The following ARSK variants were observed in gnomAD, a reference collection of about 807,000 sequenced individuals.
The protein encoded by ARSK is arylsulfatase K.
A neutral mutation model predicts 53.2 loss-of-function variants in ARSK; 37 were observed. The ratio of observed to expected loss-of-function variants is 0.70; its 90% CI spans 0.54 to 0.92. The LOEUF (loss-of-function observed/expected upper bound fraction) is 0.92. ARSK is among the 40% of genes least tolerant of loss of function. The pLI is 0.00. For synonymous variants in ARSK, 208 were observed against 223.2 expected (o/e 0.93, Z 0.61); for missense variants, 613 against 643.0 (o/e 0.95, Z 0.51).
In ARSK at chr5:95,557,646, A is replaced by G. The variant is rs145370960; in HGVS notation, c.126+2242A>G. ...TAAAATAATTCCTCTCTCTATGATT[A>G]TACCAGTTTGGTATGCTGTTAGATT... is the stretch of plus-strand genomic sequence containing the variant. On this transcript the variant is annotated intron_variant, in intron 1 of 7. Transcript: ENST00000380009. 4.1e-4 allele frequency among the ~76,000 whole-genome samples: 63 copies of G among 152,364 alleles called. 1 individual carries two copies. The East Asian group carries it at 0.011, about 28-fold the overall frequency.
chr5:95,603,171 A>G (rs1481588159), intron 7 of ARSK, 66 bp from the exon 8 acceptor site: 4 of 1,286,850 alleles, frequency 3.1e-6, no homozygotes, highest in East Asian at 2.4e-5. Context: ...TACCTGTCAT[A>G]ATGACATTCT....
intron 3 of ARSK, among the ~76,000 whole-genome samples, chr5:95,568,470 G>A (rs2112418318): frequency 6.6e-6 from 1 of 152,110 alleles, no homozygotes. Context: ...CAAAAACCAG[G>A]CAGCCAAGCA....
At chr5:95,556,010 G>T (rs1748495419) in intron 1 of ARSK, among the ~76,000 whole-genome samples, 1 of 152,140 alleles carries the variant, frequency 6.6e-6, no homozygotes, top group African/African-American at 2.4e-5. Flanking sequence ...CCAAGCCAAA[G>T]GTGCTACTGT....
At chr5:95,580,147 G>A (rs761840709) in intron 3 of ARSK, among the ~76,000 whole-genome samples, 5 of 152,112 alleles carry the variant, frequency 3.3e-5, no homozygotes, top group Non-Finnish European at 7.4e-5. Flanking sequence ...CTGAGCCACA[G>A]GTAGTTTTGG....
At chr5:95,570,536 T>C (rs1748809177) in intron 3 of ARSK, among the ~76,000 whole-genome samples, 1 of 152,212 alleles carries the variant, frequency 6.6e-6, no homozygotes. Flanking sequence ...CAGTGTTCTG[T>C]AAGAATTCTT....
chr5:95,581,933 T>C (rs1408602607), intron 3 of ARSK, among the ~76,000 whole-genome samples: 1 of 152,170 alleles, frequency 6.6e-6, no homozygotes, highest in Non-Finnish European at 1.5e-5. Flanking sequence ...ATTTTTATTA[T>C]AGCTATTTAA....
At chr5:95,594,350 G>A (rs1293739528) in intron 6 of ARSK, among the ~76,000 whole-genome samples, 1 of 152,020 alleles carries the variant, frequency 6.6e-6, no homozygotes, top group Non-Finnish European at 1.5e-5. Flanking sequence ...TTATAAATCT[G>A]TAAGAAAAAG....
intron 3 of ARSK, among the ~76,000 whole-genome samples, chr5:95,575,570 C>T (rs1192953563): frequency 1.3e-5 from 2 of 152,126 alleles, no homozygotes; most frequent in Non-Finnish European, 2.9e-5. Flanking sequence ...TTATAATGCT[C>T]ATTGTAGAGA....
rs564208824 is a variant in ARSK at position 95,555,779 on chromosome 5, A to G, written c.126+375A>G. On this transcript the variant is annotated intron_variant, in intron 1 of 7. Coordinates refer to ENST00000380009, the MANE Select transcript of ARSK (RefSeq NM_198150.3). This position sits in a 1 kb window ranked among gnomAD's most constrained non-coding sequence, Gnocchi z 4.0. The stretch of plus-strand genomic sequence containing the variant: ...AAAGCGTGTTAGCTTTCCAAAAGTC[A>G]TTTTCCAGTTCACCTCAAGTTTGCA... Among the ~76,000 whole-genome samples, 7 of 152,318 alleles carry G rather than the reference A, an allele frequency of 4.6e-5. No homozygotes were observed. The highest frequency in any genetic ancestry group is 1.7e-4 in the African/African-American group (7 of 41,580).
Position 95,568,023 on chromosome 5 carries a change from C to G in ARSK, c.390C>G (p.Asp130Glu), listed in dbSNP as rs771121594. 6.2e-7 allele frequency: 1 copy of G among 1,613,802 alleles called. No individual in the cohort carries two copies. The highest frequency in any genetic ancestry group is 8.5e-7 in the Non-Finnish European group (1 of 1,179,816). Reference sequence around the variant, plus strand: ...GAACACAGAAATTTGGGAAACTGGACTATACTTCAGGACATCACTCCATTA... The same window carrying G: ...GAACACAGAAATTTGGGAAACTGGAGTATACTTCAGGACATCACTCCATTA... ...GYRTQKFGKL[D>E]YTSGHHSISN... The change falls in exon 3 of 8, where the codon GAC becomes GAG. Residue 130 changes from aspartate to glutamate, a missense_variant. Transcript: ENST00000380009.
intron 1 of ARSK, chr5:95,556,406 G>C: frequency 1.7e-6 from 1 of 590,366 alleles, no homozygotes. Context: ...GCTGAATTTT[G>C]TTGCCATCTT....
In ARSK at chr5:95,583,252, G is replaced by C. The variant is rs562359779; in HGVS notation, c.699+54G>C. On this transcript the variant is annotated intron_variant, in intron 4 of 7. Transcript: ENST00000380009. ...AGTAGATTTATATATGTGGCTTATT[G>C]GTATTTGCTCATTGTTTCTTTTATT... is the stretch of plus-strand genomic sequence containing the variant. 1.4e-3 allele frequency: 1,956 copies of C among 1,361,118 alleles called. 3 individuals are homozygous for C. Among genetic ancestry groups the C allele is most frequent in the South Asian group, 2.9e-3 (144 of 49,168 alleles). The allele number at this position is 1,361,118 out of a possible 1,614,324, so 84.3% of individuals were successfully genotyped here. A position where few individuals can be genotyped will look rare whatever the true frequency, so the allele number is the denominator to read the frequency against.
intron 3 of ARSK, among the ~76,000 whole-genome samples, chr5:95,576,439 C>T (rs112599017): frequency 0.18 from 27,854 of 151,082 alleles, 3,732 homozygotes; most frequent in African/African-American, 0.38. Context: ...CCTCGTGATC[C>T]GCCCGCCTCG....
chr5:95,604,646 TACTA>T lies in ARSK; in HGVS notation c.*1124_*1127del, dbSNP rs1396693580. 5.3e-5 allele frequency: 8 copies of T among 152,170 alleles called. No individual in the cohort carries two copies. Among genetic ancestry groups the T allele is most frequent in the Admixed American group, 2.0e-4 (3 of 15,272 alleles). The allele number at this position is 152,170 out of a possible 1,614,324, so 9.4% of individuals were successfully genotyped here. ...CTACAAATTACCTCTAAAGAAGGTA[TACTA>T]ACTGATAATCTCACCATCAATGCAT... On this transcript the variant is annotated 3_prime_UTR_variant, in exon 8 of 8. Coordinates refer to ENST00000380009, the MANE Select transcript of ARSK (RefSeq NM_198150.3).
rs752084809 is a variant in ARSK, at chr5:95,591,577, C to A, written c.1048C>A (p.Gln350Lys). The A allele has an allele frequency of 6.2e-7, 1 of 1,614,126 alleles. No individual in the cohort carries two copies. Among genetic ancestry groups the A allele is most frequent in the South Asian group, 1.1e-5 (1 of 91,082 alleles). The change falls in exon 6 of 8, where the codon CAA becomes AAA. Residue 350 changes from glutamine (Q) to lysine (K), a missense_variant. Physicochemically the swap from Gln to Lys is moderately conservative, Grantham distance 53. Coordinates refer to ENST00000380009, the MANE Select transcript of ARSK (RefSeq NM_198150.3). ...GGGACCAGGAATTAAAGCCGGCCTACAAGTATCAAATGTGGTTTCTCTTGT... is the reference window on the plus strand; with the variant it reads ...GGGACCAGGAATTAAAGCCGGCCTAAAAGTATCAAATGTGGTTTCTCTTGT... ...MMGPGIKAGL[Q>K]VSNVVSLVDI...
intron 6 of ARSK, among the ~76,000 whole-genome samples, chr5:95,594,352 A>G (rs1749266710): frequency 6.6e-6 from 1 of 152,230 alleles, no homozygotes; most frequent in Non-Finnish European, 1.5e-5. Flanking sequence ...ATAAATCTGT[A>G]AGAAAAAGAG....
chr5:95,585,720 A>T (rs1318767255), intron 4 of ARSK, among the ~76,000 whole-genome samples: 5 of 152,294 alleles, frequency 3.3e-5, no homozygotes, highest in African/African-American at 1.2e-4. Flanking sequence ...TACAGTGTAT[A>T]CTGCTTGGGT....
chr5:95,563,782 C>T (rs967688946), intron 1 of ARSK, among the ~76,000 whole-genome samples: 5 of 152,118 alleles, frequency 3.3e-5, no homozygotes, highest in South Asian at 2.1e-4. Flanking sequence ...TACCTTGTGA[C>T]CTTCTGCTCC....
intron 6 of ARSK, among the ~76,000 whole-genome samples, chr5:95,599,499 C>T (rs1749362862): frequency 6.6e-6 from 1 of 152,182 alleles, no homozygotes; most frequent in Admixed American, 6.5e-5. Flanking sequence ...CCACTGCTTA[C>T]AGTAGGTAGT....
Sources: gnomAD v4.1 joint callset for allele counts (sites outside exome capture counted in the v4.1 genomes callset) on GRCh38, gnomAD v4.1.1 for gene constraint, Gnocchi (gnomAD v3.1) non-coding constraint, MANE v1.5 for transcripts, NCBI Gene and HGNC (gene_info 2026-07-23, HGNC 2026-07-21) for gene names.